Variants in BDP1 observed in about 807,000 individuals in gnomAD.
BDP1 encodes transcription factor TFIIIB component B'' homolog.
In BDP1, 169 loss-of-function variants were observed where a neutral mutation model predicts 266.6. That is an observed-to-expected ratio of 0.63 (90% CI 0.56 to 0.72). The LOEUF (loss-of-function observed/expected upper bound fraction) is 0.72, where lower values mean the gene tolerates loss of function less well. Among genes scored for constraint, BDP1 ranks in the 30% least tolerant of loss-of-function variants. The pLI is 0.00. For synonymous variants in BDP1, 1,090 were observed against 1,022.4 expected (o/e 1.07, Z -1.26); for missense variants, 3,015 against 3,053.8 (o/e 0.99, Z 0.30).
intron 7 of BDP1, among the ~76,000 whole-genome samples, chr5:71,472,279 G>T (rs565835297): frequency 1.3e-5 from 2 of 152,190 alleles, no homozygotes; most frequent in East Asian, 3.8e-4. Context: ...AGGCCAACAT[G>T]GTGAAACCCC....
intron 2 of BDP1, among the ~76,000 whole-genome samples, chr5:71,459,107 T>A (rs1292044712): frequency 6.6e-6 from 1 of 152,254 alleles, no homozygotes; most frequent in Non-Finnish European, 1.5e-5. Context: ...CAAATAAGTT[T>A]CATACGCATA....
In BDP1 at chr5:71,464,149, C is replaced by A. The variant is rs371429187; in HGVS notation, c.659+32C>A. The A allele has an allele frequency of 2.8e-5, 37 of 1,324,154 alleles. No homozygotes were observed. In the African/African-American group the frequency reaches 4.9e-4, roughly 18 times the overall value. The allele number at this position is 1,324,154 out of a possible 1,614,324, so 82.0% of individuals were successfully genotyped here. On this transcript the variant is annotated intron_variant, in intron 4 of 38. Transcript: ENST00000358731. ...ATTTTATTTTTGAATATATTCTATTCCTACATTTTTTAAGAAATGAGATCA... is the reference window on the plus strand; with the variant it reads ...ATTTTATTTTTGAATATATTCTATTACTACATTTTTTAAGAAATGAGATCA...
chr5:71,515,733 G>C (rs763824364), intron 20 of BDP1, among the ~76,000 whole-genome samples: 8 of 151,900 alleles, frequency 5.3e-5, no homozygotes, highest in Non-Finnish European at 7.4e-5. Context: ...TTCATCTCTA[G>C]ACTTTCTTTT....
intron 11 of BDP1, among the ~76,000 whole-genome samples, chr5:71,493,538 A>G (rs949761044): frequency 6.6e-6 from 1 of 152,110 alleles, no homozygotes; most frequent in African/African-American, 2.4e-5. Flanking sequence ...AGCTTTTTCT[A>G]ATTTAGGGGA....
rs981743076 is a variant in BDP1, at chr5:71,517,740, G to C, written c.4991+288G>C. Among the ~76,000 whole-genome samples the C allele has an allele frequency of 2.6e-5, 4 of 152,062 alleles. No individual in the cohort carries two copies. In the East Asian group the frequency reaches 7.7e-4, roughly 29 times the overall value. On this transcript the variant is annotated intron_variant, in intron 22 of 38. Coordinates refer to ENST00000358731, the MANE Select transcript of BDP1 (RefSeq NM_018429.3). ...TACCAAAACTAAATTTTTAATAGTA[G>C]ACAAAGATTCTTAAGTTCTCTGTAT...
intron 30 of BDP1, among the ~76,000 whole-genome samples, chr5:71,544,071 T>C (rs1235101140): frequency 6.6e-6 from 1 of 152,218 alleles, no homozygotes; most frequent in Non-Finnish European, 1.5e-5. Context: ...CTTTTATATG[T>C]TGAGTTTCTA....
chr5:71,527,827 T>A (rs1765983478), intron 25 of BDP1, among the ~76,000 whole-genome samples: 1 of 151,152 alleles, frequency 6.6e-6, no homozygotes, highest in Admixed American at 6.6e-5. Flanking sequence ...ATTCTTTTTT[T>A]TTTTTTTTGA....
chr5:71,480,591 G>A (rs1561688846), intron 7 of BDP1, among the ~76,000 whole-genome samples: 1 of 140,526 alleles, frequency 7.1e-6, no homozygotes, highest in Non-Finnish European at 1.5e-5. Flanking sequence ...TTTTGAGATG[G>A]AATCTCACTC....
Position 71,562,443 on chromosome 5 carries a change from C to A in BDP1, c.7666C>A (p.Arg2556=). The A allele has an allele frequency of 6.2e-7, 1 of 1,613,756 alleles. No individual in the cohort carries two copies. The highest frequency in any genetic ancestry group is 1.3e-5 in the African/African-American group (1 of 75,008). ...ATTCAATGAAAGCCAGGAAAAAAAT[C>A]GAGAGTCCTCTGATCTGCTTCCATC... ...NPFNESQEKN[R]ESSDLLPSPS... The change falls in exon 38 of 39, where the codon CGA becomes AGA. Residue 2556 remains arginine, a synonymous_variant. Coordinates refer to ENST00000358731, the MANE Select transcript of BDP1 (RefSeq NM_018429.3).
At chr5:71,503,786 G>C (rs1383499664) in intron 15 of BDP1, among the ~76,000 whole-genome samples, 2 of 152,086 alleles carry the variant, frequency 1.3e-5, no homozygotes, top group Non-Finnish European at 2.9e-5. Context: ...GGGCAACATA[G>C]TGACACTCTG....
At chr5:71,464,582 C>T (rs747525127) in intron 4 of BDP1, among the ~76,000 whole-genome samples, 1 of 151,882 alleles carries the variant, frequency 6.6e-6, no homozygotes, top group Non-Finnish European at 1.5e-5. Context: ...TGCTGTGTCA[C>T]CTAGGCTGGA....
At chr5:71,559,853 G>A (rs1390547087) in intron 36 of BDP1, 129 bp from the exon 37 acceptor site, 1 of 874,870 alleles carries the variant, frequency 1.1e-6, no homozygotes, top group East Asian at 2.5e-5. Context: ...CTCCACTAAT[G>A]ATAATTTAGC....
rs1439459527 is a variant in BDP1 at position 71,532,337 on chromosome 5, A to G, written c.5802A>G (p.Val1934=). ...AAATAACTGTGAATGTCCCAGATGT[A>G]GGATGCATAGCTGTTGTTGAACATG... ...ELEITVNVPD[V]GCIAVVEHEL... is the part of the protein sequence containing the mutation. Residue 1934 remains valine (V), a synonymous_variant, in exon 26 of 39, where the codon GTA becomes GTG. Coordinates refer to ENST00000358731, the MANE Select transcript of BDP1 (RefSeq NM_018429.3). 3 of 1,613,386 alleles carry G rather than the reference A, an allele frequency of 1.9e-6. No homozygotes were observed. The highest frequency in any genetic ancestry group is 3.3e-5 in the Admixed American group (2 of 59,986).
intron 36 of BDP1, 38 bp downstream of exon 36, chr5:71,556,963 A>G: frequency 1.7e-6 from 2 of 1,193,054 alleles, no homozygotes; most frequent in South Asian, 1.8e-5. Context: ...GCATTTTGCT[A>G]AATACTCCTG....
At chr5:71,539,838 T>A (rs1766854426) in intron 28 of BDP1, among the ~76,000 whole-genome samples, 189 bp downstream of exon 28, 1 of 152,146 alleles carries the variant, frequency 6.6e-6, no homozygotes, top group Non-Finnish European at 1.5e-5. Flanking sequence ...TAGTGACAGC[T>A]AATTCAAGAT....
At chr5:71,520,922 C>T (rs565574398) in intron 22 of BDP1, among the ~76,000 whole-genome samples, 2 of 152,242 alleles carry the variant, frequency 1.3e-5, no homozygotes, top group South Asian at 2.1e-4. Context: ...GGCATGGTGG[C>T]TCACACCTGT....
intron 25 of BDP1, among the ~76,000 whole-genome samples, chr5:71,525,937 C>A (rs187069619): frequency 4.2e-4 from 64 of 151,486 alleles, no homozygotes; most frequent in African/African-American, 1.4e-3. Context: ...CGGGCAGAGA[C>A]ACTCCTCACT....
intron 12 of BDP1, among the ~76,000 whole-genome samples, 197 bp downstream of exon 12, chr5:71,495,605 C>T (rs1267368154): frequency 6.6e-6 from 1 of 152,042 alleles, no homozygotes; most frequent in African/African-American, 2.4e-5. Flanking sequence ...TATTTCTTTG[C>T]AGAAAGATTC....
At chr5:71,557,167 C>T (rs913994096) in intron 36 of BDP1, among the ~76,000 whole-genome samples, 3 of 152,078 alleles carry the variant, frequency 2.0e-5, no homozygotes, top group Admixed American at 6.6e-5. Context: ...TATGTAAGCT[C>T]AATAACTACA....
Sources: allele counts gnomAD v4.1 joint callset (sites outside exome capture counted in the v4.1 genomes callset), GRCh38; gene constraint gnomAD v4.1.1; transcripts MANE v1.5; gene names NCBI Gene and HGNC (gene_info 2026-07-23, HGNC 2026-07-21).